The following CADM2 variants were observed in gnomAD, a reference collection of about 807,000 sequenced individuals.
CADM2 encodes immunoglobulin superfamily member 4D.
In CADM2, 12 loss-of-function variants were observed where a neutral mutation model predicts 49.8. The ratio of observed to expected loss-of-function variants is 0.24; its 90% CI spans 0.15 to 0.39. The LOEUF is 0.39. Ranked by LOEUF, CADM2 falls within the 10% of genes least tolerant of loss-of-function variation. CADM2 has a pLI of 1.00. For missense variants in CADM2, 378 were observed against 492.3 expected (o/e 0.77, Z 2.20); for synonymous variants, 214 against 175.4 (o/e 1.22, Z -1.74).
At chr3:85,836,277 G>A (rs2074405940) in intron 3 of CADM2, among the ~76,000 whole-genome samples, 1 of 151,532 alleles carries the variant, frequency 6.6e-6, no homozygotes, top group South Asian at 2.1e-4. Flanking sequence ...AAAGCCCAGA[G>A]GGCATGGTTG....
intron 1 of CADM2, among the ~76,000 whole-genome samples, chr3:85,010,653 G>A (rs2107251195): frequency 6.6e-6 from 1 of 151,258 alleles, no homozygotes; most frequent in East Asian, 1.9e-4. Context: ...TTCTTGCCTG[G>A]GCTTTACTTA....
intron 1 of CADM2, among the ~76,000 whole-genome samples, chr3:85,634,097 C>CT (rs1413042371): frequency 6.6e-6 from 1 of 151,830 alleles, no homozygotes; most frequent in Non-Finnish European, 1.5e-5. Context: ...CTCATAGGGC[C>CT]TTTTTTGGCA....
At chr3:85,212,481 A>T (rs1344626010) in intron 1 of CADM2, among the ~76,000 whole-genome samples, 1 of 152,122 alleles carries the variant, frequency 6.6e-6, no homozygotes. Flanking sequence ...GATTACAAGT[A>T]ATATCTTTCA....
At chr3:85,583,788 A>G (rs1275264790) in intron 1 of CADM2, among the ~76,000 whole-genome samples, 1 of 152,068 alleles carries the variant, frequency 6.6e-6, no homozygotes, top group Admixed American at 6.6e-5. Flanking sequence ...TGTTTCAGCA[A>G]GAAATATTAG....
chr3:85,516,444 T>C (rs2060905477), intron 1 of CADM2, among the ~76,000 whole-genome samples: 1 of 152,136 alleles, frequency 6.6e-6, no homozygotes, highest in African/African-American at 2.4e-5. Flanking sequence ...CATAAATAAG[T>C]TGGTAGGCAG....
At chr3:85,922,632 A>G (rs886676706) in intron 6 of CADM2, among the ~76,000 whole-genome samples, 2 of 152,052 alleles carry the variant, frequency 1.3e-5, no homozygotes, top group Non-Finnish European at 2.9e-5. Flanking sequence ...ATGCATCTCT[A>G]CTGTGTCCTA....
chr3:85,775,788 A>T (rs1188674373), intron 2 of CADM2, among the ~76,000 whole-genome samples: 1 of 151,922 alleles, frequency 6.6e-6, no homozygotes, highest in Non-Finnish European at 1.5e-5. Context: ...CTCATTTATG[A>T]GAAAACTATG....
intron 1 of CADM2, among the ~76,000 whole-genome samples, chr3:85,487,267 T>A (rs947881547): frequency 1.3e-5 from 2 of 152,170 alleles, no homozygotes; most frequent in African/African-American, 4.8e-5. Context: ...ATAGTCTCAG[T>A]ACTTTGGAGG....
intron 1 of CADM2, among the ~76,000 whole-genome samples, chr3:85,095,481 A>G (rs1385196790): frequency 1.3e-5 from 2 of 152,168 alleles, no homozygotes; most frequent in East Asian, 3.9e-4. Flanking sequence ...GCTCAATTGT[A>G]TAATTGGTTA....
intron 1 of CADM2, among the ~76,000 whole-genome samples, chr3:85,645,755 A>G (rs1364645521): frequency 6.6e-6 from 1 of 151,926 alleles, no homozygotes; most frequent in Non-Finnish European, 1.5e-5. Flanking sequence ...TGTTTTTTCT[A>G]TTTTAAGAAT....
At chr3:85,668,295 C>CAAAAAAAAAAAAAAAAAAAAGAAAAAAA (rs11447925) in intron 1 of CADM2, among the ~76,000 whole-genome samples, 1 of 81,774 alleles carries the variant, frequency 1.2e-5, no homozygotes, top group Non-Finnish European at 2.5e-5. Flanking sequence ...AGTACCAAAG[C>CAAAAAAAAAAAAAAAAAAAAGAAAAAAA]AAAAAAAAAA....
chr3:85,157,710 A>C (rs1191566888), intron 1 of CADM2, among the ~76,000 whole-genome samples: 1 of 151,838 alleles, frequency 6.6e-6, no homozygotes, highest in African/African-American at 2.4e-5. Context: ...TAAAGACTTA[A>C]ACGTTAGACC....
intron 1 of CADM2, among the ~76,000 whole-genome samples, chr3:85,276,578 T>A (rs1269147738): frequency 6.6e-6 from 1 of 151,322 alleles, no homozygotes; most frequent in Non-Finnish European, 1.5e-5. Context: ...TGTTTATAGT[T>A]CTCTGCTTTG....
In CADM2 at chr3:85,157,124, A is replaced by T. The variant is rs558957947; in HGVS notation, c.61+197456A>T. Among the ~76,000 whole-genome samples, 6 of 152,316 alleles carry T rather than the reference A, an allele frequency of 3.9e-5. No homozygotes were observed. In the South Asian group the frequency reaches 1.2e-3, roughly 32 times the overall value. On this transcript the variant is annotated intron_variant, in intron 1 of 9. Coordinates refer to ENST00000383699, the MANE Select transcript of CADM2 (RefSeq NM_001167675.2). The stretch of plus-strand genomic sequence containing the variant: ...AGAGAATAAAATATCTAGGAATCCA[A>T]CTTACAAGGTATGTGAAGGACCTCT...
chr3:85,337,010 AAT>A (rs1278513718), intron 1 of CADM2, among the ~76,000 whole-genome samples: 3 of 137,636 alleles, frequency 2.2e-5, no homozygotes, highest in African/African-American at 8.1e-5. Flanking sequence ...TATTAAATAT[AAT>A]ATATATAAAT....
intron 1 of CADM2, among the ~76,000 whole-genome samples, chr3:85,523,696 C>A (rs2061084838): frequency 6.6e-6 from 1 of 151,814 alleles, no homozygotes; most frequent in Non-Finnish European, 1.5e-5. Context: ...ATTTTATTAT[C>A]TTCTTTTTAC....
At chr3:85,618,445 T>C (rs1018621568) in intron 1 of CADM2, among the ~76,000 whole-genome samples, 7 of 152,176 alleles carry the variant, frequency 4.6e-5, no homozygotes, top group Admixed American at 1.3e-4. Context: ...AGATGTTTGT[T>C]TTCGCATATC....
At position 84,999,417 on chromosome 3, in the gene CADM2, AAC is replaced by A. The variant is rs2033341831; in HGVS notation, c.61+39753_61+39754del. Among the ~76,000 whole-genome samples, 5 of 152,272 alleles carry A rather than the reference AAC, an allele frequency of 3.3e-5. No homozygotes were observed. The South Asian group carries it at 6.2e-4, about 19-fold the overall frequency. ...CCGACAGAGGTGTAACTCTTGCCTGAACACAGTTTATCTAACACAGATATTTT... is the reference window on the plus strand; with the variant it reads ...CCGACAGAGGTGTAACTCTTGCCTGAACAGTTTATCTAACACAGATATTTT... On this transcript the variant is annotated intron_variant, in intron 1 of 9. Transcript: ENST00000383699.
chr3:85,973,067 C>T (rs1405062134), intron 8 of CADM2, among the ~76,000 whole-genome samples: 1 of 151,610 alleles, frequency 6.6e-6, no homozygotes, highest in Admixed American at 6.6e-5. Flanking sequence ...TATGAAAAAT[C>T]ATCTCACACA....
Sources: allele counts gnomAD v4.1 joint callset (sites outside exome capture counted in the v4.1 genomes callset), GRCh38; gene constraint gnomAD v4.1.1; transcripts MANE v1.5; gene names NCBI Gene and HGNC (gene_info 2026-07-23, HGNC 2026-07-21).